The following AGBL4 variants were observed in gnomAD, a reference collection of about 807,000 sequenced individuals.
AGBL4 encodes the protein cytosolic carboxypeptidase 6.
A neutral mutation model predicts 66.4 loss-of-function variants in AGBL4; 58 were observed. The ratio of observed to expected loss-of-function variants is 0.87; its 90% CI spans 0.71 to 1.09. AGBL4 has a LOEUF of 1.09. Ranked by LOEUF, AGBL4 falls within the 50% of genes least tolerant of loss-of-function variation. The pLI is 0.00. For synonymous variants in AGBL4, 234 were observed against 222.9 expected, an observed-to-expected ratio of 1.05 and a Z score of -0.44; for missense variants, 579 against 631.0, an observed-to-expected ratio of 0.92 and a Z score of 0.88.
At chr1:49,536,849 A>G (rs991783986) in intron 3 of AGBL4, among the ~76,000 whole-genome samples, 7 of 152,294 alleles carry the variant, frequency 4.6e-5, no homozygotes, top group African/African-American at 1.7e-4. Flanking sequence ...TCTCTACTAA[A>G]AATACAAAAA....
intron 1 of AGBL4, among the ~76,000 whole-genome samples, chr1:49,981,154 G>A (rs575606442): frequency 6.6e-6 from 1 of 152,108 alleles, no homozygotes; most frequent in South Asian, 2.1e-4. Flanking sequence ...GGCAGAACAG[G>A]GAACTGCAAA....
At chr1:48,639,244 G>T (rs1459039124) in intron 8 of AGBL4, among the ~76,000 whole-genome samples, 3 of 152,224 alleles carry the variant, frequency 2.0e-5, no homozygotes, top group African/African-American at 7.2e-5. Flanking sequence ...AGTAGTACCT[G>T]CATGGGCACC....
At chr1:49,131,895 T>G (rs1284763226) in intron 4 of AGBL4, among the ~76,000 whole-genome samples, 2 of 151,960 alleles carry the variant, frequency 1.3e-5, no homozygotes, top group East Asian at 3.9e-4. Flanking sequence ...CTATTTGGAG[T>G]GCCTATAATA....
At chr1:48,794,337 A>G (rs1297608590) in intron 6 of AGBL4, among the ~76,000 whole-genome samples, 2 of 152,200 alleles carry the variant, frequency 1.3e-5, no homozygotes, top group East Asian at 1.9e-4. Context: ...CACATGCCCA[A>G]GCCTTTCCCA....
At chr1:49,934,435 A>G (rs771712442) in intron 1 of AGBL4, among the ~76,000 whole-genome samples, 5 of 152,216 alleles carry the variant, frequency 3.3e-5, no homozygotes, top group Admixed American at 2.6e-4. Context: ...CTGAAGTCAC[A>G]TCAGGTGTCT....
At chr1:48,724,972 C>CT (rs1330734321) in intron 6 of AGBL4, among the ~76,000 whole-genome samples, 3 of 152,160 alleles carry the variant, frequency 2.0e-5, no homozygotes, top group Admixed American at 6.5e-5. Flanking sequence ...TCCAAAGACT[C>CT]TAAGTGTACA....
chr1:48,812,132 T>C (rs562764327), intron 6 of AGBL4, among the ~76,000 whole-genome samples: 1 of 152,200 alleles, frequency 6.6e-6, no homozygotes, highest in African/African-American at 2.4e-5. Context: ...AGGTGGGGAA[T>C]TGTCTTTGTG....
intron 6 of AGBL4, among the ~76,000 whole-genome samples, chr1:48,682,287 C>G (rs1234128323): frequency 1.3e-5 from 2 of 152,188 alleles, no homozygotes; most frequent in Non-Finnish European, 2.9e-5. Context: ...GGGCCAGGGA[C>G]TTAGGCTTTC....
Position 48,841,930 on chromosome 1 carries a change from T to G in AGBL4, c.634+25261A>C, listed in dbSNP as rs143731973. ...GTAATTGCTTTTGGGCACATGCAAATGACATGCAAATCTTACGTTCTAAAT... is the reference window on the plus strand; with the variant it reads ...GTAATTGCTTTTGGGCACATGCAAAGGACATGCAAATCTTACGTTCTAAAT... On this transcript the variant is annotated intron_variant, in intron 6 of 13. Transcript: ENST00000371839. 3.3e-5 allele frequency among the ~76,000 whole-genome samples: 5 copies of G among 152,306 alleles called. No homozygotes were observed. The East Asian group carries it at 9.6e-4, about 29-fold the overall frequency.
intron 3 of AGBL4, among the ~76,000 whole-genome samples, chr1:49,474,389 A>G (rs892294995): frequency 2.9e-4 from 44 of 151,896 alleles, no homozygotes; most frequent in African/African-American, 9.2e-4. Context: ...TGTAAATTGT[A>G]AATGGGATTA....
chr1:49,628,404 ATG>A (rs1436161172), intron 3 of AGBL4, among the ~76,000 whole-genome samples: 1 of 152,154 alleles, frequency 6.6e-6, no homozygotes, highest in Non-Finnish European at 1.5e-5. Context: ...ATGGAATGGA[ATG>A]TGTTACCTCC....
At chr1:49,067,394 T>C (rs1472401436) in intron 4 of AGBL4, among the ~76,000 whole-genome samples, 1 of 152,248 alleles carries the variant, frequency 6.6e-6, no homozygotes, top group Non-Finnish European at 1.5e-5. Context: ...CTCAGGACTA[T>C]GACATGACCT....
intron 3 of AGBL4, among the ~76,000 whole-genome samples, chr1:49,412,808 C>T (rs1212017855): frequency 1.3e-5 from 2 of 151,708 alleles, no homozygotes; most frequent in Non-Finnish European, 2.9e-5. Context: ...GAAGAGAGTA[C>T]AACACTTAAG....
intron 3 of AGBL4, among the ~76,000 whole-genome samples, chr1:49,521,414 C>T (rs543966187): frequency 1.7e-4 from 26 of 152,064 alleles, no homozygotes; most frequent in Admixed American, 1.4e-3. Flanking sequence ...AAAACAGACA[C>T]ATAGACCAAT....
intron 2 of AGBL4, among the ~76,000 whole-genome samples, chr1:49,830,976 T>TATATAGAGCA (rs1295105988): frequency 4.8e-4 from 73 of 152,326 alleles, no homozygotes; most frequent in Non-Finnish European, 1.0e-3. Flanking sequence ...TATATCTGTT[T>TATATAGAGCA]TGGTACCAGT....
intron 4 of AGBL4, among the ~76,000 whole-genome samples, chr1:49,138,602 A>G (rs1278318833): frequency 6.6e-6 from 1 of 152,112 alleles, no homozygotes; most frequent in African/African-American, 2.4e-5. Flanking sequence ...TCCTCATCCT[A>G]TTTGATCTTT....
chr1:49,460,397 A>G (rs1646485845), intron 3 of AGBL4, among the ~76,000 whole-genome samples: 6 of 151,642 alleles, frequency 4.0e-5, no homozygotes, highest in Admixed American at 4.0e-4. Flanking sequence ...GTCTGATATA[A>G]GAATAGCTAT....
chr1:49,417,203 G>C (rs1557921233), intron 3 of AGBL4, among the ~76,000 whole-genome samples: 1 of 151,982 alleles, frequency 6.6e-6, no homozygotes. Context: ...AAATGACCTT[G>C]GAATTCAGTG....
intron 3 of AGBL4, among the ~76,000 whole-genome samples, chr1:49,438,459 A>G (rs1307897025): frequency 6.6e-6 from 1 of 152,182 alleles, no homozygotes; most frequent in Non-Finnish European, 1.5e-5. Flanking sequence ...TATCTTCTTT[A>G]TGGAAGAAAA....
Sources: allele counts gnomAD v4.1 joint callset (sites outside exome capture counted in the v4.1 genomes callset), GRCh38; gene constraint gnomAD v4.1.1; transcripts MANE v1.5; gene names NCBI Gene and HGNC (gene_info 2026-07-23, HGNC 2026-07-21).